Variants in FYTTD1 observed in about 807,000 individuals in gnomAD.
The protein encoded by FYTTD1 is forty-two-three domain containing 1.
Under a neutral mutation model 40.9 loss-of-function variants are expected in FYTTD1, and 22 were observed. The ratio of observed to expected loss-of-function variants is 0.54; its 90% CI spans 0.38 to 0.77. FYTTD1 has a LOEUF of 0.77. Ranked by LOEUF, FYTTD1 falls within the 30% of genes least tolerant of loss-of-function variation. The pLI is 0.00. For synonymous variants in FYTTD1, 140 were observed against 137.9 expected (o/e 1.01, Z -0.10); for missense variants, 351 against 392.2 (o/e 0.90, Z 0.89).
chr3:197,770,186 A>G lies in FYTTD1; in HGVS notation c.439A>G (p.Asn147Asp). ...LKRKANLLRQNEGQRKPVAVL... is the reference protein window; with the variant it reads ...LKRKANLLRQDEGQRKPVAVL... The stretch of plus-strand genomic sequence containing the variant: ...AAGGAAGGCAAACCTTCTGAGACAA[A>G]ATGAAGGGCAGAGGAAACCAGTAGC... Residue 147 changes from asparagine to aspartate, a missense_variant, in exon 4 of 9, where the codon AAT (asparagine) becomes GAT (aspartate). Coordinates refer to ENST00000241502, the MANE Select transcript of FYTTD1 (RefSeq NM_032288.7). 6.2e-7 allele frequency: 1 copy of G among 1,613,150 alleles called. No homozygotes were observed. Among genetic ancestry groups the G allele is most frequent in the East Asian group, 2.2e-5 (1 of 44,862 alleles).
chr3:197,756,682 C>T, intron 2 of FYTTD1, 125 bp downstream of exon 2: 15 of 901,156 alleles, frequency 1.7e-5, no homozygotes, highest in Non-Finnish European at 2.6e-5. Context: ...TTCCTCTATG[C>T]CTAGGTTTTT....
rs1730139946 is a variant in FYTTD1, at chr3:197,785,808, G to A, written c.*3899G>A. 6.6e-6 allele frequency: 1 copy of A among 152,042 alleles called. No individual in the cohort carries two copies. Among genetic ancestry groups the A allele is most frequent in the African/African-American group, 2.4e-5 (1 of 41,408 alleles). 9.4% of individuals were successfully genotyped at this position (152,042 alleles called of 1,614,324 possible). On this transcript the variant is annotated 3_prime_UTR_variant, in exon 9 of 9. Coordinates refer to ENST00000241502, the MANE Select transcript of FYTTD1 (RefSeq NM_032288.7). ...GCAGAAAATAATTCATTTCTGATCA[G>A]TAGTGCTTTCAGTTTTCATCAGAAT...
chr3:197,771,647 G>A (rs1267912196), intron 4 of FYTTD1, among the ~76,000 whole-genome samples: 14 of 150,864 alleles, frequency 9.3e-5, no homozygotes, highest in African/African-American at 3.4e-4. Flanking sequence ...CGTGGTGGCG[G>A]GCGCCTGTAG....
At chr3:197,752,311 G>A (rs1419206224) in intron 1 of FYTTD1, among the ~76,000 whole-genome samples, 1 of 152,214 alleles carries the variant, frequency 6.6e-6, no homozygotes, top group Non-Finnish European at 1.5e-5. Flanking sequence ...GTGGGCAGAT[G>A]ATTTCCCAGT....
chr3:197,759,005 G>A (rs147123276), intron 2 of FYTTD1, among the ~76,000 whole-genome samples: 96 of 152,324 alleles, frequency 6.3e-4, no homozygotes, highest in African/African-American at 2.1e-3. Flanking sequence ...GTGGTAGAGC[G>A]TATAGAGTTG....
At chr3:197,766,461 T>TGTGTGTGTGTGTGTGTGTGTGTGTGTG (rs1171406063) in intron 2 of FYTTD1, among the ~76,000 whole-genome samples, 2 of 25,878 alleles carry the variant, frequency 7.7e-5, no homozygotes, top group South Asian at 1.7e-3. Context: ...GTGTGTGTGT[T>TGTGTGTGTGTGTGTGTGTGTGTGTGTG]TGAGACAGGG....
chr3:197,778,368 T>C lies in FYTTD1; in HGVS notation c.762T>C (p.Ala254=). The C allele has an allele frequency of 6.2e-7, 1 of 1,612,270 alleles. No individual in the cohort carries two copies. The highest frequency in any genetic ancestry group is 1.3e-5 in the African/African-American group (1 of 75,034). The change falls in exon 8 of 9, where the codon GCT becomes GCC. Residue 254 remains alanine, a synonymous_variant. Coordinates refer to ENST00000241502, the MANE Select transcript of FYTTD1 (RefSeq NM_032288.7). ...VTQKPRLTRT[A]VPSFLTKREQ... ...AGAAACCACGATTAACTCGTACTGC[T>C]GTACCTTCATTTTTAACAAAGCGGG...
rs533039087 is a variant in FYTTD1 at position 197,768,212 on chromosome 3, A to G, written c.236-227A>G. Among the ~76,000 whole-genome samples the G allele has an allele frequency of 1.4e-3, 210 of 152,332 alleles. 1 individual carries two copies. Among genetic ancestry groups the G allele is most frequent in the African/African-American group, 4.8e-3 (200 of 41,586 alleles). On this transcript the variant is annotated intron_variant, in intron 2 of 8. Transcript: ENST00000241502. ...ATGACAAAAGAGTATGGCCAGAGGCAACATGTGAGAATCCTCTAGTTATTT... is the reference window on the plus strand; with the variant it reads ...ATGACAAAAGAGTATGGCCAGAGGCGACATGTGAGAATCCTCTAGTTATTT...
intron 2 of FYTTD1, among the ~76,000 whole-genome samples, chr3:197,764,011 T>C (rs1553908907): frequency 6.6e-6 from 1 of 152,210 alleles, no homozygotes; most frequent in Non-Finnish European, 1.5e-5. Context: ...GAGGATTTTT[T>C]TTAAGCTCCA....
chr3:197,749,779 C>A, upstream of FYTTD1: 1 of 558,984 alleles, frequency 1.8e-6, no homozygotes, highest in Non-Finnish European at 3.3e-6. Flanking sequence ...AGGAGCGAGT[C>A]ACGGCGCGGG....
At position 197,750,099 on chromosome 3, in the gene FYTTD1, T is replaced by G; in HGVS notation, c.103+25T>G. 4 of 1,521,490 alleles carry G rather than the reference T, an allele frequency of 2.6e-6. No individual in the cohort carries two copies. The South Asian group carries it at 4.8e-5, about 18-fold the overall frequency. The allele number at this position is 1,521,490 out of a possible 1,614,324, so 94.2% of individuals were successfully genotyped here. ...GGTGAGGGGCCGAGTTGGACCGAGT[T>G]GGAGTGCGGGGGAGGGCGCGGGTGG... On this transcript the variant is annotated intron_variant, in intron 1 of 8. Coordinates refer to ENST00000241502, the MANE Select transcript of FYTTD1 (RefSeq NM_032288.7).
rs1331565688 is a variant in FYTTD1, at chr3:197,783,034, C to T, written c.*1125C>T. 2 of 152,400 alleles carry T rather than the reference C, an allele frequency of 1.3e-5. No individual in the cohort carries two copies. Among genetic ancestry groups the T allele is most frequent in the Non-Finnish European group, 2.9e-5 (2 of 68,000 alleles). 9.4% of individuals were successfully genotyped at this position (152,400 alleles called of 1,614,324 possible). On this transcript the variant is annotated 3_prime_UTR_variant, in exon 9 of 9. Coordinates refer to ENST00000241502, the MANE Select transcript of FYTTD1 (RefSeq NM_032288.7). ...AGAGTTACATTAACCTTGTTGTTTA[C>T]CTTTCACTGATTTCTTATATGGTAT... is the stretch of plus-strand genomic sequence containing the variant.
At position 197,784,327 on chromosome 3, in the gene FYTTD1, T is replaced by C. The variant is rs1230021393; in HGVS notation, c.*2418T>C. ...ATTCTCAGCTCTAAAGATTGAGTTG[T>C]GGTTTTTAGATTGTTCTATGTTACG... On this transcript the variant is annotated 3_prime_UTR_variant, in exon 9 of 9. Coordinates refer to ENST00000241502, the MANE Select transcript of FYTTD1 (RefSeq NM_032288.7). 1 of 152,228 alleles carries C rather than the reference T, an allele frequency of 6.6e-6. No individual in the cohort carries two copies. Among genetic ancestry groups the C allele is most frequent in the Non-Finnish European group, 1.5e-5 (1 of 68,044 alleles). The allele number at this position is 152,228 out of a possible 1,614,324, so 9.4% of individuals were successfully genotyped here. A position where few individuals can be genotyped will look rare whatever the true frequency, so the allele number is the denominator to read the frequency against.
chr3:197,759,751 A>G (rs1316471535), intron 2 of FYTTD1, among the ~76,000 whole-genome samples: 1 of 151,642 alleles, frequency 6.6e-6, no homozygotes, highest in East Asian at 1.9e-4. Flanking sequence ...TCAGTGGTAG[A>G]ACATATAGAG....
At chr3:197,763,361 C>A in intron 2 of FYTTD1, 1 of 277,108 alleles carries the variant, frequency 3.6e-6, no homozygotes, top group Non-Finnish European at 7.2e-6. Flanking sequence ...TTGCGGTGAG[C>A]CGAGATCGCA....
At chr3:197,751,641 T>TC (rs146876463) in intron 1 of FYTTD1, among the ~76,000 whole-genome samples, 8,387 of 134,572 alleles carry the variant, frequency 0.062, 486 homozygotes, top group African/African-American at 0.16. Flanking sequence ...CCCCCCGCTC[T>TC]CCCCCCCCGC....
intron 2 of FYTTD1, among the ~76,000 whole-genome samples, chr3:197,761,615 G>A (rs1560494631): frequency 6.6e-6 from 1 of 151,728 alleles, no homozygotes; most frequent in African/African-American, 2.4e-5. Context: ...AATGTATAGA[G>A]TTGTTCTTCA....
chr3:197,781,726 C>A, intron 8 of FYTTD1, 85 bp from the exon 9 acceptor site: 1 of 881,690 alleles, frequency 1.1e-6, no homozygotes, highest in South Asian at 1.7e-5. Context: ...CATAAGATCA[C>A]ATTATTGTTC....
intron 4 of FYTTD1, among the ~76,000 whole-genome samples, chr3:197,771,322 G>T (rs1229469368): frequency 6.6e-6 from 1 of 152,176 alleles, no homozygotes; most frequent in East Asian, 1.9e-4. Context: ...TTTATCTTTC[G>T]TGGAAGATAA....
Sources: gnomAD v4.1 joint callset for allele counts (sites outside exome capture counted in the v4.1 genomes callset) on GRCh38, gnomAD v4.1.1 for gene constraint, MANE v1.5 for transcripts, NCBI Gene and HGNC (gene_info 2026-07-23, HGNC 2026-07-21) for gene names.